CRTAC1: variants seen among roughly 807,000 people sequenced by gnomAD.
The protein encoded by CRTAC1 is cartilage acidic protein 1.
In CRTAC1, 37 loss-of-function variants were observed where a neutral mutation model predicts 67.8. That is an observed-to-expected ratio of 0.55 (90% CI 0.42 to 0.72). CRTAC1 has a LOEUF of 0.72. Ranked by LOEUF, CRTAC1 falls within the 30% of genes least tolerant of loss-of-function variation. The probability of loss-of-function intolerance (pLI) is 0.00; values close to 1 mark genes in which losing one functional copy is unlikely to be tolerated. For synonymous variants in CRTAC1, 348 were observed against 371.0 expected (o/e 0.94, Z 0.71); for missense variants, 780 against 931.6 (o/e 0.84, Z 2.12).
At chr10:97,901,741 T>C (rs2136566098) in intron 7 of CRTAC1, 102 bp from the exon 8 acceptor site, 1 of 1,441,106 alleles carries the variant, frequency 6.9e-7, no homozygotes, top group Non-Finnish European at 9.5e-7. Context: ...TAAGAGACAG[T>C]CCAACCCAAA....
chr10:97,889,130 A>AG (rs1564879238), intron 11 of CRTAC1, among the ~76,000 whole-genome samples: 1 of 2,044 alleles, frequency 4.9e-4, no homozygotes, highest in Non-Finnish European at 1.1e-3. Context: ...GCGGGAGGGA[A>AG]GGGGGGGAGG....
rs545743553 is a variant in CRTAC1 at position 97,991,653 on chromosome 10, AT to A, written c.224+19484del. 2.4e-4 allele frequency among the ~76,000 whole-genome samples: 36 copies of A among 152,258 alleles called. 1 individual carries two copies. The South Asian group carries it at 7.3e-3, about 31-fold the overall frequency. ...CTAAGCAATTTACATGGCTTATCTC[AT>A]TTGTCTTCACCACAATGGTAGGAAG... On this transcript the variant is annotated intron_variant, in intron 2 of 14. Transcript: ENST00000370597.
rs1284299070 is a variant in CRTAC1 at position 97,977,351 on chromosome 10, G to A, written c.224+33787C>T. Among the ~76,000 whole-genome samples the A allele has an allele frequency of 3.9e-5, 6 of 152,330 alleles. No individual in the cohort carries two copies. In the South Asian group the frequency reaches 1.2e-3, roughly 32 times the overall value. On this transcript the variant is annotated intron_variant, in intron 2 of 14. Transcript: ENST00000370597. ...TCCAGGAACACTGTCTGGCACGTGA[G>A]CAAGAAAGGAGGAAGGCTCAGGAGC...
rs567693145 is a variant in CRTAC1 at position 97,988,644 on chromosome 10, C to T, written c.224+22494G>A. Among the ~76,000 whole-genome samples the T allele has an allele frequency of 1.5e-4, 23 of 152,170 alleles. No individual in the cohort carries two copies. The East Asian group carries it at 3.5e-3, about 23-fold the overall frequency. ...CTGAGGCAAGAGAATTGCTTGAACC[C>T]GGGAGGCGGAGGTTGCGGTGAGCCG... On this transcript the variant is annotated intron_variant, in intron 2 of 14. Coordinates refer to ENST00000370597, the MANE Select transcript of CRTAC1 (RefSeq NM_018058.7).
intron 2 of CRTAC1, among the ~76,000 whole-genome samples, chr10:97,979,941 C>G (rs377353080): frequency 6.6e-6 from 1 of 152,154 alleles, no homozygotes; most frequent in African/African-American, 2.4e-5. Flanking sequence ...TTCCCCAGAT[C>G]GCTCAGTCAG....
intron 2 of CRTAC1, among the ~76,000 whole-genome samples, chr10:97,939,488 G>A (rs371735018): frequency 6.6e-6 from 1 of 152,056 alleles, no homozygotes; most frequent in African/African-American, 2.4e-5. Context: ...CAGATACAAA[G>A]CCAGACCAAC....
intron 14 of CRTAC1, chr10:97,879,532 C>A: frequency 1.0e-6 from 1 of 952,918 alleles, no homozygotes; most frequent in Non-Finnish European, 1.5e-6. Flanking sequence ...CCAACCTTCC[C>A]TTTTCAAAGA....
At chr10:97,958,879 C>G (rs935081137) in intron 2 of CRTAC1, among the ~76,000 whole-genome samples, 1 of 152,148 alleles carries the variant, frequency 6.6e-6, no homozygotes, top group African/African-American at 2.4e-5. Flanking sequence ...AAAATAAGGT[C>G]CACTCTCTAC....
intron 4 of CRTAC1, among the ~76,000 whole-genome samples, chr10:97,922,951 C>A (rs548692511): frequency 3.2e-4 from 48 of 152,154 alleles, no homozygotes; most frequent in Non-Finnish European, 6.6e-4. Flanking sequence ...CATGTCCTAG[C>A]CACACCACTC....
chr10:97,986,354 GA>G (rs1424973262), intron 2 of CRTAC1, among the ~76,000 whole-genome samples: 1 of 152,172 alleles, frequency 6.6e-6, no homozygotes. Context: ...CAACACATGC[GA>G]ATCATCCAGC....
At chr10:97,959,927 G>A (rs1416790411) in intron 2 of CRTAC1, among the ~76,000 whole-genome samples, 1 of 152,234 alleles carries the variant, frequency 6.6e-6, no homozygotes, top group Non-Finnish European at 1.5e-5. Context: ...GTGAAATGTT[G>A]TCTACCAGGA....
intron 14 of CRTAC1, 126 bp downstream of exon 14, chr10:97,880,123 T>C: frequency 8.6e-7 from 1 of 1,167,732 alleles, no homozygotes; most frequent in Admixed American, 2.1e-5. Flanking sequence ...CCAATATGGG[T>C]CAAAGGAGAC....
chr10:97,884,151 G>A (rs2050249099), intron 12 of CRTAC1, 55 bp downstream of exon 12: 1 of 1,531,704 alleles, frequency 6.5e-7, no homozygotes, highest in Non-Finnish European at 8.8e-7. Context: ...TCAGCCCATG[G>A]GGTTGTGGGT....
chr10:98,006,126 G>T (rs1021690574), intron 2 of CRTAC1, among the ~76,000 whole-genome samples: 7 of 152,200 alleles, frequency 4.6e-5, no homozygotes, highest in African/African-American at 1.7e-4. Context: ...GACCTCTGGG[G>T]ATATCCCAGG....
chr10:97,912,800 C>A (rs1156548374), intron 5 of CRTAC1, among the ~76,000 whole-genome samples: 1 of 152,188 alleles, frequency 6.6e-6, no homozygotes, highest in Non-Finnish European at 1.5e-5. Context: ...CCTCAGTTTC[C>A]TTCCTGTAAA....
chr10:97,988,588 C>A (rs2052023136), intron 2 of CRTAC1, among the ~76,000 whole-genome samples: 1 of 152,098 alleles, frequency 6.6e-6, no homozygotes, highest in Admixed American at 6.5e-5. Flanking sequence ...GGTGTGGCAG[C>A]ATGTGCCTGT....
Position 97,880,292 on chromosome 10 carries a change from G to A in CRTAC1, c.1776C>T (p.Cys592=), listed in dbSNP as rs139549916. The A allele has an allele frequency of 1.9e-6, 3 of 1,614,092 alleles. No homozygotes were observed. The African/African-American group carries it at 4.0e-5, about 22-fold the overall frequency. The change falls in exon 14 of 15, where the codon TGC becomes TGT. Residue 592 remains cysteine (C), a synonymous_variant. Transcript: ENST00000370597. ...CCTCGTTGGGCTCGTAGCCCCGACT[G>A]CACTTCTTGTTGGTCCGGCACCTGT... is the stretch of plus-strand genomic sequence containing the variant. ...GSYRCRTNKK[C]SRGYEPNEDG...
chr10:97,926,060 C>T (rs149882712), intron 3 of CRTAC1, among the ~76,000 whole-genome samples: 7 of 152,232 alleles, frequency 4.6e-5, no homozygotes, highest in South Asian at 4.1e-4. Context: ...GCCTGCTGTC[C>T]GGAGAAGCCT....
At position 97,910,473 on chromosome 10, in the gene CRTAC1, G is replaced by T. The variant is rs555425455; in HGVS notation, c.716-2326C>A. Among the ~76,000 whole-genome samples, 22 of 152,276 alleles carry T rather than the reference G, an allele frequency of 1.4e-4. 1 individual carries two copies. The East Asian group carries it at 3.9e-3, about 27-fold the overall frequency. ...CAAGACCCCTGGGTGGTTTATGTGC[G>T]CATTAAAGTTTGAAAAGTACTGCTC... On this transcript the variant is annotated intron_variant, in intron 5 of 14. Coordinates refer to ENST00000370597, the MANE Select transcript of CRTAC1 (RefSeq NM_018058.7).
Sources: allele counts gnomAD v4.1 joint callset (sites outside exome capture counted in the v4.1 genomes callset), GRCh38; gene constraint gnomAD v4.1.1; transcripts MANE v1.5; gene names NCBI Gene and HGNC (gene_info 2026-07-23, HGNC 2026-07-21).